Variants in ADGRV1 observed in about 807,000 individuals in gnomAD.
ADGRV1 encodes adhesion G protein-coupled receptor V1, also known as G-protein coupled receptor 98.
In ADGRV1, 359 loss-of-function variants were observed where a neutral mutation model predicts 596.2. The ratio of observed to expected loss-of-function variants is 0.60; its 90% CI spans 0.55 to 0.66. ADGRV1 has a LOEUF of 0.66. ADGRV1 is among the 30% of genes least tolerant of loss of function. ADGRV1 has a pLI of 0.00. For synonymous variants in ADGRV1, 2,681 were observed against 2,679.2 expected, an observed-to-expected ratio of 1.00 and a Z score of -0.02; for missense variants, 7,274 against 7,575.6, an observed-to-expected ratio of 0.96 and a Z score of 1.48.
At chr5:90,580,387 T>A (rs1757850636) in intron 1 of ADGRV1, among the ~76,000 whole-genome samples, 1 of 152,004 alleles carries the variant, frequency 6.6e-6, no homozygotes, top group Non-Finnish European at 1.5e-5. Flanking sequence ...TCCTGAAGAG[T>A]GTTTTCCAGC....
intron 87 of ADGRV1, among the ~76,000 whole-genome samples, chr5:91,126,498 C>T (rs1007227491): frequency 3.9e-5 from 6 of 152,114 alleles, no homozygotes; most frequent in African/African-American, 1.4e-4. Context: ...AAATAATAGA[C>T]TTAGTGAAGA....
At chr5:91,075,286 C>T (rs1348211707) in intron 86 of ADGRV1, among the ~76,000 whole-genome samples, 1 of 151,948 alleles carries the variant, frequency 6.6e-6, no homozygotes, top group Admixed American at 6.6e-5. Flanking sequence ...TTGTTTTTTC[C>T]TCTAAGTGAC....
intron 42 of ADGRV1, among the ~76,000 whole-genome samples, chr5:90,715,249 C>A (rs763026469): frequency 6.6e-6 from 1 of 152,134 alleles, no homozygotes; most frequent in African/African-American, 2.4e-5. Flanking sequence ...TAGATGATGT[C>A]CTAATGAGCA....
intron 78 of ADGRV1, among the ~76,000 whole-genome samples, chr5:90,847,883 G>A (rs111420658): frequency 2.0e-5 from 3 of 152,130 alleles, no homozygotes; most frequent in East Asian, 1.9e-4. Flanking sequence ...TTCCCGCCTC[G>A]GCCAGCCCAG....
At chr5:91,158,903 A>G (rs548884054) in intron 89 of ADGRV1, among the ~76,000 whole-genome samples, 2 of 145,708 alleles carry the variant, frequency 1.4e-5, no homozygotes, top group East Asian at 2.0e-4. Context: ...ATGGATGGAT[A>G]GATGCATGGG....
rs950692 is a variant in ADGRV1 at position 90,647,616 on chromosome 5, A to G, written c.3141A>G (p.Ala1047=). The G allele has an allele frequency of 0.14, 222,722 of 1,613,534 alleles. 17,163 individuals carry two copies. Among genetic ancestry groups the G allele is most frequent in the East Asian group, 0.34 (15,282 of 44,846 alleles). ...QYATKDGKAT[A]RERDFIPVEK... ...CTACCAAGGATGGGAAGGCTACTGC[A>G]AGAGAGAGAGATTTCATTCCTGTTG... Residue 1047 remains alanine, a synonymous_variant, in exon 17 of 90, where the codon GCA becomes GCG. Transcript: ENST00000405460.
At chr5:90,985,302 T>C in intron 84 of ADGRV1, 42 bp from the exon 85 acceptor site, 3 of 1,466,056 alleles carry the variant, frequency 2.0e-6, no homozygotes, top group Non-Finnish European at 2.8e-6. Context: ...TTCTGTGCCA[T>C]TAAAGAAGAG....
At chr5:90,860,712 G>C (rs1392000676) in intron 82 of ADGRV1, among the ~76,000 whole-genome samples, 2 of 147,102 alleles carry the variant, frequency 1.4e-5, no homozygotes, top group African/African-American at 5.1e-5. Context: ...TAATACATTA[G>C]GTGGTATAAT....
At chr5:90,776,617 C>T (rs752921994) in intron 61 of ADGRV1, 41 bp downstream of exon 61, 74 of 1,598,868 alleles carry the variant, frequency 4.6e-5, no homozygotes, top group Admixed American at 3.3e-5. Context: ...ATGGGGGTTA[C>T]GAAGTTTTAT....
chr5:90,629,076 T>C (rs1176838076), intron 8 of ADGRV1, 134 bp from the exon 9 acceptor site: 3 of 632,608 alleles, frequency 4.7e-6, no homozygotes, highest in Non-Finnish European at 7.4e-6. Context: ...TTTGCTCTAT[T>C]ATGTATAAGA....
chr5:90,680,841 A>G (rs899063398), intron 26 of ADGRV1, among the ~76,000 whole-genome samples: 1 of 152,188 alleles, frequency 6.6e-6, no homozygotes, highest in Non-Finnish European at 1.5e-5. Context: ...ATCAGGAGAG[A>G]TAGATTTATA....
At chr5:90,806,033 G>T (rs993601332) in intron 72 of ADGRV1, among the ~76,000 whole-genome samples, 2 of 152,098 alleles carry the variant, frequency 1.3e-5, no homozygotes, top group Admixed American at 1.3e-4. Context: ...GGTCTTGTTG[G>T]TCACCAGCCA....
rs75538711 is a variant in ADGRV1 at position 90,980,808 on chromosome 5, C to A, written c.17974-4536C>A. On this transcript the variant is annotated intron_variant, in intron 84 of 89. Coordinates refer to ENST00000405460, the MANE Select transcript of ADGRV1 (RefSeq NM_032119.4). ...TATCTGTTAACATTAAATTATTGTG[C>A]AAATATAATGATCTGTTAATACTCT... 2.0e-5 allele frequency among the ~76,000 whole-genome samples: 3 copies of A among 151,934 alleles called. No homozygotes were observed. The South Asian group carries it at 6.2e-4, about 32-fold the overall frequency.
chr5:90,685,492 G>A (rs544970087), intron 28 of ADGRV1, among the ~76,000 whole-genome samples: 2 of 152,114 alleles, frequency 1.3e-5, no homozygotes, highest in East Asian at 3.9e-4. Context: ...GGCTGAGGCA[G>A]GAGAATTGCT....
intron 11 of ADGRV1, among the ~76,000 whole-genome samples, chr5:90,642,417 T>C (rs1165905872): frequency 6.6e-6 from 1 of 152,198 alleles, no homozygotes; most frequent in East Asian, 1.9e-4. Flanking sequence ...TAAAAAAAGA[T>C]GTAATGAATT....
intron 1 of ADGRV1, among the ~76,000 whole-genome samples, chr5:90,580,339 T>C (rs1223332307): frequency 6.6e-6 from 1 of 152,244 alleles, no homozygotes; most frequent in South Asian, 2.1e-4. Context: ...TTTGCTTGTC[T>C]GTAAAACTTC....
At chr5:91,035,866 T>TATATATATATATATATATATA (rs1784857826) in intron 85 of ADGRV1, among the ~76,000 whole-genome samples, 1 of 126,234 alleles carries the variant, frequency 7.9e-6, no homozygotes. Context: ...ATATATTATA[T>TATATATATATATATATATATA]ATATATATAT....
intron 87 of ADGRV1, among the ~76,000 whole-genome samples, chr5:91,133,045 G>A (rs145274641): frequency 6.6e-6 from 1 of 152,276 alleles, no homozygotes; most frequent in East Asian, 1.9e-4. Context: ...AGGAGGGGAA[G>A]AGACTAGGGA....
chr5:90,706,128 C>A, intron 37 of ADGRV1, 103 bp from the exon 38 acceptor site: 2 of 885,916 alleles, frequency 2.3e-6, no homozygotes, highest in Non-Finnish European at 3.4e-6. Context: ...ACCAATAATA[C>A]TAGCTACTAA....
Sources: allele counts gnomAD v4.1 joint callset (sites outside exome capture counted in the v4.1 genomes callset), GRCh38; gene constraint gnomAD v4.1.1; transcripts MANE v1.5; gene names NCBI Gene and HGNC (gene_info 2026-07-23, HGNC 2026-07-21).